Variants in RBFOX1 observed in about 807,000 individuals in gnomAD.
RBFOX1 encodes RNA binding protein fox-1 homolog 1.
Under a neutral mutation model 57.7 loss-of-function variants are expected in RBFOX1, and 8 were observed. That is an observed-to-expected ratio of 0.14 (90% CI 0.08 to 0.25). The LOEUF (loss-of-function observed/expected upper bound fraction) is 0.25, where lower values mean the gene tolerates loss of function less well. RBFOX1 is among the 10% of genes least tolerant of loss of function. The pLI is 1.00. For synonymous variants in RBFOX1, 326 were observed against 222.4 expected, an observed-to-expected ratio of 1.47 and a Z score of -4.15; for missense variants, 611 against 548.5, an observed-to-expected ratio of 1.11 and a Z score of -1.14.
intron 3 of RBFOX1, among the ~76,000 whole-genome samples, chr16:6,944,632 G>A (rs572406581): frequency 6.6e-6 from 1 of 152,128 alleles, no homozygotes; most frequent in Admixed American, 6.6e-5. Context: ...TCTAGTTTTT[G>A]TGGGGGTCTG....
intron 1 of RBFOX1, among the ~76,000 whole-genome samples, chr16:5,420,606 C>T (rs1471778125): frequency 6.6e-6 from 1 of 151,920 alleles, no homozygotes; most frequent in Non-Finnish European, 1.5e-5. Flanking sequence ...CCTCCCCAGG[C>T]TCCAGCGATC....
intron 2 of RBFOX1, among the ~76,000 whole-genome samples, chr16:6,454,245 G>A (rs1302058175): frequency 6.6e-6 from 1 of 152,126 alleles, no homozygotes; most frequent in Non-Finnish European, 1.5e-5. Flanking sequence ...ATGCCATTCA[G>A]CACATCACAA....
At chr16:7,065,404 G>A (rs374672099) in intron 4 of RBFOX1, among the ~76,000 whole-genome samples, 2 of 152,052 alleles carry the variant, frequency 1.3e-5, no homozygotes, top group East Asian at 1.9e-4. Context: ...TCATCTCCAA[G>A]CACCCTGCCT....
intron 1 of RBFOX1, among the ~76,000 whole-genome samples, chr16:5,451,742 G>A (rs565900169): frequency 1.3e-5 from 2 of 152,220 alleles, no homozygotes; most frequent in East Asian, 1.9e-4. Context: ...TTCCACATAC[G>A]GATACCTCTC....
intron 2 of RBFOX1, among the ~76,000 whole-genome samples, chr16:6,547,854 G>C (rs893668498): frequency 5.3e-5 from 8 of 151,992 alleles, no homozygotes; most frequent in African/African-American, 1.9e-4. Flanking sequence ...TTGAACTCTG[G>C]AAAGGAATAG....
intron 3 of RBFOX1, among the ~76,000 whole-genome samples, chr16:6,817,738 A>G (rs1444884280): frequency 6.6e-6 from 1 of 152,004 alleles, no homozygotes; most frequent in East Asian, 1.9e-4. Flanking sequence ...AACTACCAAC[A>G]GTCTACATGA....
At chr16:5,411,997 C>G (rs1266012281) in intron 1 of RBFOX1, among the ~76,000 whole-genome samples, 2 of 152,162 alleles carry the variant, frequency 1.3e-5, no homozygotes, top group Non-Finnish European at 2.9e-5. Flanking sequence ...TTTAATATTT[C>G]TAGATCGGTT....
At chr16:6,935,174 C>T (rs765517335) in intron 3 of RBFOX1, among the ~76,000 whole-genome samples, 1 of 152,156 alleles carries the variant, frequency 6.6e-6, no homozygotes, top group Non-Finnish European at 1.5e-5. Context: ...CTAATTTTCC[C>T]ATCATCGAAG....
At chr16:6,504,599 C>A (rs2096038424) in intron 2 of RBFOX1, among the ~76,000 whole-genome samples, 1 of 152,146 alleles carries the variant, frequency 6.6e-6, no homozygotes, top group African/African-American at 2.4e-5. Context: ...TTATTTGACA[C>A]CTCATGTTGG....
intron 4 of RBFOX1, among the ~76,000 whole-genome samples, chr16:7,517,155 G>C (rs867635936): frequency 0.01 from 1,496 of 149,022 alleles, 31 homozygotes; most frequent in African/African-American, 0.035. Flanking sequence ...GTGTGTGTGT[G>C]TGTGTGTGTG....
At chr16:6,253,699 G>GTGTGTATATATATATA (rs71145205) in intron 1 of RBFOX1, among the ~76,000 whole-genome samples, 2 of 142,494 alleles carry the variant, frequency 1.4e-5, no homozygotes, top group South Asian at 4.6e-4. Flanking sequence ...GTGTGTGTGT[G>GTGTGTATATATATATA]TATATATATA....
chr16:7,434,396 C>T (rs964576955), intron 4 of RBFOX1, among the ~76,000 whole-genome samples: 1 of 151,970 alleles, frequency 6.6e-6, no homozygotes, highest in Non-Finnish European at 1.5e-5. Context: ...GGCATCAACC[C>T]GGGAGGCGGA....
chr16:6,229,707 TA>T (rs5815295), intron 1 of RBFOX1, among the ~76,000 whole-genome samples: 6,014 of 145,542 alleles, frequency 0.041, 284 homozygotes, highest in African/African-American at 0.12. Flanking sequence ...TTTCAAGGCT[TA>T]AAAAAAAAAA....
Position 6,814,255 on chromosome 16 carries a change from G to GGA in RBFOX1, c.-16+159606_-16+159607insAG, listed in dbSNP as rs2089528947. On this transcript the variant is annotated intron_variant, in intron 3 of 15. Coordinates refer to ENST00000550418, the MANE Select transcript of RBFOX1 (RefSeq NM_018723.4). ...ACACAGAGAGAAAATTGTGGTGGGG[G>GGA]GGAGGGAGGAGGTCTAAGAGAGTCA... Among the ~76,000 whole-genome samples the GGA allele has an allele frequency of 2.8e-5, 4 of 141,062 alleles. No individual in the cohort carries two copies. In the South Asian group the frequency reaches 6.8e-4, roughly 24 times the overall value. 92.5% of individuals were successfully genotyped at this position (141,062 alleles called of 152,430 possible).
chr16:7,136,190 C>T (rs1009088229), intron 4 of RBFOX1, among the ~76,000 whole-genome samples: 8 of 152,124 alleles, frequency 5.3e-5, no homozygotes, highest in South Asian at 4.1e-4. Context: ...TTCCAAGGAA[C>T]AGAATAAAGG....
intron 3 of RBFOX1, among the ~76,000 whole-genome samples, chr16:6,973,517 G>T (rs1055069446): frequency 2.6e-5 from 4 of 152,182 alleles, no homozygotes; most frequent in African/African-American, 9.7e-5. Context: ...ATTTCTAGGA[G>T]AAGCTCAACG....
At position 6,566,390 on chromosome 16, in the gene RBFOX1, T is replaced by A. The variant is rs185588897; in HGVS notation, c.-63-88213T>A. Among the ~76,000 whole-genome samples, 124 of 152,260 alleles carry A rather than the reference T, an allele frequency of 8.1e-4. 1 individual carries two copies. The East Asian group carries it at 0.021, about 25-fold the overall frequency. On this transcript the variant is annotated intron_variant, in intron 2 of 15. Transcript: ENST00000550418. ...ATTGTCATTCTAAAATATGTAACTTTTAGGAATTTTGTGGCTAGACGTAGG... is the reference window on the plus strand; with the variant it reads ...ATTGTCATTCTAAAATATGTAACTTATAGGAATTTTGTGGCTAGACGTAGG...
intron 3 of RBFOX1, among the ~76,000 whole-genome samples, chr16:7,050,716 A>C (rs879789706): frequency 6.6e-6 from 1 of 152,238 alleles, no homozygotes; most frequent in Non-Finnish European, 1.5e-5. Flanking sequence ...CTATGTTTCT[A>C]AATGGTACAT....
At chr16:5,455,003 CTTTCTTTCTTTCTT>C (rs2068581356) in intron 1 of RBFOX1, among the ~76,000 whole-genome samples, 1 of 106,998 alleles carries the variant, frequency 9.3e-6, no homozygotes, top group African/African-American at 3.3e-5. Context: ...TTCTTTCTTT[CTTTCTTTCTTTCTT>C]TCTTTCTCTC....
Sources: allele counts gnomAD v4.1 joint callset (sites outside exome capture counted in the v4.1 genomes callset), GRCh38; gene constraint gnomAD v4.1.1; transcripts MANE v1.5; gene names NCBI Gene and HGNC (gene_info 2026-07-23, HGNC 2026-07-21).